Variants in PECAM1 observed in about 807,000 individuals in gnomAD.
PECAM1 encodes the protein platelet endothelial cell adhesion molecule.
Under a neutral mutation model 13.8 loss-of-function variants are expected in PECAM1, and 8 were observed. That is an observed-to-expected ratio of 0.58 (90% CI 0.34 to 1.05). The LOEUF is 1.05. PECAM1 is among the 50% of genes least tolerant of loss of function. The pLI is 0.03. For synonymous variants in PECAM1, 136 were observed against 52.6 expected (o/e 2.58, Z -6.86); for missense variants, 304 against 141.2 (o/e 2.15, Z -5.84).
intron 15 of PECAM1, among the ~76,000 whole-genome samples, chr17:64,325,671 A>G (rs2034934335): frequency 2.0e-5 from 3 of 152,226 alleles, no homozygotes. Context: ...TGGGAGATGG[A>G]GGTTGCAGTG....
chr17:64,325,938 T>C (rs1555645587), intron 15 of PECAM1, among the ~76,000 whole-genome samples: 1 of 152,190 alleles, frequency 6.6e-6, no homozygotes, highest in African/African-American at 2.4e-5. Flanking sequence ...AATTTTATAT[T>C]GTATCAATTA....
At position 64,323,737 on chromosome 17, in the gene PECAM1, G is replaced by T; in HGVS notation, c.*79C>A. 1 of 1,394,984 alleles carries T rather than the reference G, an allele frequency of 7.2e-7. No homozygotes were observed. The highest frequency in any genetic ancestry group is 1.2e-5 in the South Asian group (1 of 85,346). The allele number at this position is 1,394,984 out of a possible 1,614,324, so 86.4% of individuals were successfully genotyped here. ...GGGCAGGTTCATAAATAAGTGCACA[G>T]AGGTCTTGAAATACAGGGATTATCT... On this transcript the variant is annotated 3_prime_UTR_variant, in exon 16 of 16. Coordinates refer to ENST00000563924, the MANE Select transcript of PECAM1 (RefSeq NM_000442.5).
chr17:64,389,932 C>T (rs2036679500), intron 2 of PECAM1, among the ~76,000 whole-genome samples: 1 of 151,860 alleles, frequency 6.6e-6, no homozygotes, highest in African/African-American at 2.4e-5. Flanking sequence ...CCTCTAATTC[C>T]AGCTACTTAG....
intron 6 of PECAM1, among the ~76,000 whole-genome samples, chr17:64,362,412 G>A (rs2036003471): frequency 6.6e-6 from 1 of 152,158 alleles, no homozygotes; most frequent in Non-Finnish European, 1.5e-5. Flanking sequence ...GACTTTGGGA[G>A]GCTGAGGCAG....
intron 2 of PECAM1, among the ~76,000 whole-genome samples, chr17:64,380,321 T>C (rs928831402): frequency 6.8e-6 from 1 of 147,866 alleles, no homozygotes; most frequent in Non-Finnish European, 1.5e-5. Context: ...AGAGCGAAAC[T>C]CCATCTAAAA....
intron 15 of PECAM1, among the ~76,000 whole-genome samples, chr17:64,329,375 C>G (rs1359467600): frequency 4.6e-5 from 7 of 152,104 alleles, no homozygotes; most frequent in African/African-American, 1.7e-4. Context: ...CTCCACTCCT[C>G]CAAGCATACA....
At chr17:64,368,966 T>A in intron 5 of PECAM1, among the ~76,000 whole-genome samples, 1 of 101,124 alleles carries the variant, frequency 9.9e-6, no homozygotes, top group Admixed American at 1.4e-4. Flanking sequence ...AGACAGAGTC[T>A]CACTCTGTGG....
At chr17:64,378,866 C>T (rs2036421079) in intron 2 of PECAM1, 1 of 152,152 alleles carries the variant, frequency 6.6e-6, no homozygotes, top group Non-Finnish European at 1.5e-5. Context: ...GCCAGAACGT[C>T]TCCTGTACAG....
In PECAM1 at chr17:64,332,827, C is replaced by T. The variant is rs117459800; in HGVS notation, c.2165-3105G>A. 1.6e-4 allele frequency among the ~76,000 whole-genome samples: 24 copies of T among 152,320 alleles called. No individual in the cohort carries two copies. The East Asian group carries it at 4.2e-3, about 27-fold the overall frequency. ...CCAGGGTTTCTGCCTCCCTAAGAAA[C>T]ACCCTGGAAGTCTGAATTCCAGGCA... is the stretch of plus-strand genomic sequence containing the variant. On this transcript the variant is annotated intron_variant, in intron 14 of 15. Transcript: ENST00000563924.
At chr17:64,331,458 T>A (rs1415099303) in intron 14 of PECAM1, among the ~76,000 whole-genome samples, 1 of 152,210 alleles carries the variant, frequency 6.6e-6, no homozygotes, top group Non-Finnish European at 1.5e-5. Context: ...AGTGCTGGGA[T>A]TACAGGCATG....
chr17:64,356,428 G>A, intron 7 of PECAM1, 30 bp from the exon 8 acceptor site: 1 of 441,918 alleles, frequency 2.3e-6, no homozygotes, highest in Non-Finnish European at 4.1e-6. Flanking sequence ...TTCACACTGA[G>A]CAAAGAAGGG....
At position 64,322,580 on chromosome 17, in the gene PECAM1, A is replaced by G. The variant is rs1050304263; in HGVS notation, c.*1236T>C. ...CAGCTGTGTCACTGAGGCAAACAGGAAAAGTGATTTTGGCTAGGCGTGGTT... is the reference window on the plus strand; with the variant it reads ...CAGCTGTGTCACTGAGGCAAACAGGGAAAGTGATTTTGGCTAGGCGTGGTT... On this transcript the variant is annotated 3_prime_UTR_variant, in exon 16 of 16. Coordinates refer to ENST00000563924, the MANE Select transcript of PECAM1 (RefSeq NM_000442.5). 2.8e-5 allele frequency: 28 copies of G among 985,426 alleles called. No individual in the cohort carries two copies. The highest frequency in any genetic ancestry group is 3.4e-5 in the Non-Finnish European group (28 of 829,948). The allele number at this position is 985,426 out of a possible 1,614,324, so 61.0% of individuals were successfully genotyped here.
intron 4 of PECAM1, among the ~76,000 whole-genome samples, chr17:64,374,464 A>T (rs2036311452): frequency 6.6e-6 from 1 of 150,660 alleles, no homozygotes; most frequent in African/African-American, 2.5e-5. Context: ...ACTCCAGCTC[A>T]GGCAACAGAG....
At chr17:64,348,100 C>T (rs2035627612) in intron 13 of PECAM1, among the ~76,000 whole-genome samples, 160 bp downstream of exon 13, 1 of 152,134 alleles carries the variant, frequency 6.6e-6, no homozygotes, top group Admixed American at 6.6e-5. Flanking sequence ...GGGGCCTTTG[C>T]TCCTTCCAGT....
intron 12 of PECAM1, among the ~76,000 whole-genome samples, chr17:64,349,784 C>T (rs1372293917): frequency 6.6e-6 from 1 of 151,852 alleles, no homozygotes; most frequent in Non-Finnish European, 1.5e-5. Flanking sequence ...ACTTGGGAGG[C>T]TGAGGCAGGA....
intron 2 of PECAM1, among the ~76,000 whole-genome samples, chr17:64,379,803 C>T (rs2036441869): frequency 1.3e-5 from 2 of 151,930 alleles, no homozygotes; most frequent in South Asian, 4.1e-4. Flanking sequence ...GCAGGAGGAT[C>T]GCTTGAGCCC....
chr17:64,360,633 G>A (rs1308231438), intron 6 of PECAM1, among the ~76,000 whole-genome samples: 1 of 133,822 alleles, frequency 7.5e-6, no homozygotes, highest in Non-Finnish European at 1.6e-5. Context: ...GAAGGGAAAG[G>A]GAAAGAGAAG....
At chr17:64,388,314 G>A (rs1394743423) in intron 2 of PECAM1, among the ~76,000 whole-genome samples, 3 of 151,994 alleles carry the variant, frequency 2.0e-5, no homozygotes, top group Admixed American at 1.3e-4. Flanking sequence ...GGGAGGGTAC[G>A]AGGGCTGGAG....
intron 13 of PECAM1, among the ~76,000 whole-genome samples, 175 bp from the exon 14 acceptor site, chr17:64,341,865 C>T (rs2035439242): frequency 6.6e-6 from 1 of 152,172 alleles, no homozygotes; most frequent in African/African-American, 2.4e-5. Context: ...GTTAGAAGAT[C>T]CTGGCTGGGC....
Sources: allele counts gnomAD v4.1 joint callset (sites outside exome capture counted in the v4.1 genomes callset), GRCh38; gene constraint gnomAD v4.1.1; transcripts MANE v1.5; gene names NCBI Gene and HGNC (gene_info 2026-07-23, HGNC 2026-07-21).